Variants in ZMYM1 observed in about 807,000 individuals in gnomAD.
ZMYM1 encodes zinc finger MYM-type containing 1.
Under a neutral mutation model 60.0 loss-of-function variants are expected in ZMYM1, and 39 were observed. The observed-to-expected ratio is 0.65, with a 90% CI of 0.50 to 0.85. ZMYM1 has a LOEUF of 0.85. ZMYM1 is among the 40% of genes least tolerant of loss of function. ZMYM1 has a pLI of 0.00. For missense variants in ZMYM1, 1,171 were observed against 1,309.5 expected (o/e 0.89, Z 1.63); for synonymous variants, 413 against 454.0 (o/e 0.91, Z 1.15).
At chr1:35,065,728 A>C (rs1044182416) in intron 1 of ZMYM1, among the ~76,000 whole-genome samples, 8 of 151,996 alleles carry the variant, frequency 5.3e-5, no homozygotes, top group Non-Finnish European at 1.2e-4. Context: ...AATGAAATTA[A>C]AATAGGGAAA....
rs142688969 is a variant in ZMYM1, at chr1:35,083,104, T to C, written c.-75+3662T>C. 3.1e-3 allele frequency among the ~76,000 whole-genome samples: 466 copies of C among 152,286 alleles called. 1 individual carries two copies. Among genetic ancestry groups the C allele is most frequent in the African/African-American group, 0.01 (430 of 41,566 alleles). ...TGAATATAGAATTTTAAGTAGATTT[T>C]TCCCCAGCACTTTAAAGATATTACA... is the stretch of plus-strand genomic sequence containing the variant. On this transcript the variant is annotated intron_variant, in intron 1 of 9. Transcript: ENST00000359858.
downstream of ZMYM1, among the ~76,000 whole-genome samples, chr1:35,116,687 A>G (rs1436988541): frequency 6.6e-6 from 1 of 152,002 alleles, no homozygotes; most frequent in Non-Finnish European, 1.5e-5. Flanking sequence ...TGAACTCCTG[A>G]CGTCAGGTAA....
chr1:35,064,848 C>T (rs1388215484), intron 1 of ZMYM1, among the ~76,000 whole-genome samples: 4 of 151,778 alleles, frequency 2.6e-5, no homozygotes, highest in African/African-American at 7.3e-5. Flanking sequence ...CCACCACACC[C>T]GGCTAATTTT....
chr1:35,113,901 A>G lies in ZMYM1; in HGVS notation c.2071A>G (p.Thr691Ala), dbSNP rs1452289151. The change falls in exon 10 of 10, where the codon ACC becomes GCC. Residue 691 changes from threonine to alanine, a missense_variant. Thr to Ala is a moderately conservative substitution (Grantham distance 58). Transcript: ENST00000359858. Reference sequence around the variant, plus strand: ...TGTTGATACTGAGGAGATGACTGGGACCCACTTACATAGGACTATCAAAAC... The same window carrying G: ...TGTTGATACTGAGGAGATGACTGGGGCCCACTTACATAGGACTATCAAAAC... ...GFVDTEEMTG[T>A]HLHRTIKTYL... 1.2e-6 allele frequency: 2 copies of G among 1,613,898 alleles called. No individual in the cohort carries two copies. Among genetic ancestry groups the G allele is most frequent in the Non-Finnish European group, 1.7e-6 (2 of 1,179,892 alleles).
chr1:35,096,158 C>A (rs541987465), intron 3 of ZMYM1, among the ~76,000 whole-genome samples: 1 of 151,992 alleles, frequency 6.6e-6, no homozygotes, highest in South Asian at 2.1e-4. Flanking sequence ...ACTACAAATA[C>A]AAAATTAGCC....
intron 7 of ZMYM1, among the ~76,000 whole-genome samples, chr1:35,111,549 C>T (rs1311283438): frequency 6.6e-6 from 1 of 152,118 alleles, no homozygotes; most frequent in African/African-American, 2.4e-5. Context: ...AGGTAAAAGA[C>T]ATAAAATGTT....
At chr1:35,095,933 T>TA in intron 3 of ZMYM1, 42 bp downstream of exon 3, 1 of 1,384,828 alleles carries the variant, frequency 7.2e-7, no homozygotes. Context: ...TTCAGACCAA[T>TA]ACGACAGCTG....
chr1:35,086,982 CTTTTTTTTTTTT>C (rs1184601007), intron 1 of ZMYM1, among the ~76,000 whole-genome samples: 2 of 100,114 alleles, frequency 2.0e-5, no homozygotes, highest in South Asian at 3.3e-4. Context: ...CGCACCCAGC[CTTTTTTTTTTTT>C]TTTTTTTTTT....
intron 4 of ZMYM1, chr1:35,097,781 A>T: frequency 1.8e-6 from 1 of 545,596 alleles, no homozygotes; most frequent in Non-Finnish European, 3.2e-6. Flanking sequence ...AGTAGCTGGG[A>T]TTACAGCCAT....
Position 35,113,005 on chromosome 1 carries a change from G to A in ZMYM1, c.1175G>A (p.Ser392Asn), listed in dbSNP as rs1644147430. The A allele has an allele frequency of 6.3e-7, 1 of 1,598,834 alleles. No homozygotes were observed. The highest frequency in any genetic ancestry group is 1.3e-5 in the African/African-American group (1 of 74,272). ...TCTAAGAGTTCACCTAGTGAACCCAGTAATGCTGTTGCTAGTAGTAGTACG... is the reference window on the plus strand; with the variant it reads ...TCTAAGAGTTCACCTAGTGAACCCAATAATGCTGTTGCTAGTAGTAGTACG... ...DLSKSSPSEP[S>N]NAVASSSTEQ... Residue 392 changes from serine (S) to asparagine (N), a missense_variant, in exon 10 of 10, where the codon AGT becomes AAT. Physicochemically the swap from Ser to Asn is conservative, Grantham distance 46. Coordinates refer to ENST00000359858, the MANE Select transcript of ZMYM1 (RefSeq NM_024772.5).
intron 1 of ZMYM1, among the ~76,000 whole-genome samples, chr1:35,065,115 C>T (rs745308942): frequency 1.3e-5 from 2 of 152,008 alleles, no homozygotes; most frequent in Non-Finnish European, 2.9e-5. Flanking sequence ...ACAATTGACC[C>T]TTCAACAATA....
rs201994614 is a variant in ZMYM1, at chr1:35,114,722, A to G, written c.2892A>G (p.Lys964=). ...CTACTTCAACAGAAGAACAATATAA[A>G]ATTAATATCTATTACCAAGGATTAG... ...FFPTSTEEQY[K]INIYYQGLDT... Residue 964 remains lysine (K), a synonymous_variant, in exon 10 of 10, where the codon AAA becomes AAG. Transcript: ENST00000359858. The G allele has an allele frequency of 2.0e-5, 31 of 1,574,384 alleles. No homozygotes were observed. Among genetic ancestry groups the G allele is most frequent in the Non-Finnish European group, 2.3e-5 (27 of 1,161,982 alleles).
chr1:35,060,547 G>A (rs1641855265), intron 1 of ZMYM1, among the ~76,000 whole-genome samples: 1 of 152,168 alleles, frequency 6.6e-6, no homozygotes, highest in Non-Finnish European at 1.5e-5. Context: ...AATTCCTGGA[G>A]GAAGGAAGAC....
At chr1:35,101,080 G>C (rs1475346812) in intron 4 of ZMYM1, among the ~76,000 whole-genome samples, 1 of 151,424 alleles carries the variant, frequency 6.6e-6, no homozygotes, top group Admixed American at 6.6e-5. Context: ...TGGCATTATG[G>C]GCGTGAGCCA....
rs1005902408 is a variant in ZMYM1 at position 35,090,959 on chromosome 1, G to T, written c.-74-2955G>T. 4.6e-5 allele frequency among the ~76,000 whole-genome samples: 7 copies of T among 151,446 alleles called. No individual in the cohort carries two copies. In the East Asian group the frequency reaches 7.8e-4, roughly 17 times the overall value. On this transcript the variant is annotated intron_variant, in intron 1 of 9. Coordinates refer to ENST00000359858, the MANE Select transcript of ZMYM1 (RefSeq NM_024772.5). The stretch of plus-strand genomic sequence containing the variant: ...AAAACTCTTGTCTCAAAAAAAAAAA[G>T]ACTTAATTAAAAGGTAGATTGATCT...
Position 35,114,389 on chromosome 1 carries a change from T to G in ZMYM1, c.2559T>G (p.Val853=), listed in dbSNP as rs771868250. The G allele has an allele frequency of 1.4e-5, 22 of 1,612,956 alleles. No homozygotes were observed. The Admixed American group carries it at 3.7e-4, about 27-fold the overall frequency. Residue 853 remains valine, a synonymous_variant, in exon 10 of 10, where the codon GTT becomes GTG. Transcript: ENST00000359858. ...ADELSHLLTL[V]SKFEFVFCLK... ...AATTGAGTCATTTGCTGACATTGGT[T>G]TCCAAATTTGAATTTGTCTTTTGTT...
chr1:35,069,276 A>G (rs1418724756), intron 1 of ZMYM1, among the ~76,000 whole-genome samples: 1 of 152,160 alleles, frequency 6.6e-6, no homozygotes, highest in Non-Finnish European at 1.5e-5. Flanking sequence ...CTTTTTGATT[A>G]TAGTCATTCT....
chr1:35,083,193 CCAGACTGGTGTGCAGTGGCTTGAT>C lies in ZMYM1; in HGVS notation c.-75+3754_-75+3777del, dbSNP rs1642481460. On this transcript the variant is annotated intron_variant, in intron 1 of 9. Transcript: ENST00000359858. ...TTTTAAGACAGGGTCTCACTGTCCC[CCAGACTGGTGTGCAGTGGCTTGAT>C]CACAGCTCACTGTAGCCTCACCCTC... Among the ~76,000 whole-genome samples, 6 of 152,020 alleles carry C rather than the reference CCAGACTGGTGTGCAGTGGCTTGAT, an allele frequency of 3.9e-5. No homozygotes were observed. The South Asian group carries it at 1.2e-3, about 32-fold the overall frequency.
At chr1:35,110,516 A>G (rs1434339822) in intron 7 of ZMYM1, 69 bp downstream of exon 7, 17 of 1,181,960 alleles carry the variant, frequency 1.4e-5, no homozygotes, top group Non-Finnish European at 1.5e-5. Context: ...ACTTTAATTT[A>G]TAACCTTGAT....
Sources: gnomAD v4.1 joint callset for allele counts (sites outside exome capture counted in the v4.1 genomes callset) on GRCh38, gnomAD v4.1.1 for gene constraint, MANE v1.5 for transcripts, NCBI Gene and HGNC (gene_info 2026-07-23, HGNC 2026-07-21) for gene names.